Variants in ZDHHC7 observed in about 807,000 individuals in gnomAD.
ZDHHC7 encodes the protein zDHHC palmitoyltransferase 7.
A neutral mutation model predicts 34.1 loss-of-function variants in ZDHHC7; 12 were observed. The observed-to-expected ratio is 0.35, with a 90% CI of 0.23 to 0.57. The LOEUF is 0.57. Ranked by LOEUF, ZDHHC7 falls within the 20% of genes least tolerant of loss-of-function variation. The pLI, the probability that ZDHHC7 is intolerant of heterozygous loss-of-function variation, is 0.84. For missense variants in ZDHHC7, 388 were observed against 402.7 expected (o/e 0.96, Z 0.31); for synonymous variants, 185 against 155.4 (o/e 1.19, Z -1.42).
chr16:85,007,454 G>A (rs1396054255), intron 1 of ZDHHC7, among the ~76,000 whole-genome samples: 3 of 150,018 alleles, frequency 2.0e-5, no homozygotes, highest in Non-Finnish European at 4.4e-5. Flanking sequence ...GGAATGGAAT[G>A]GAACTCAGAA....
At chr16:85,027,599 T>TGGG in the ZDHHC7 span, among the ~76,000 whole-genome samples, 1 of 151,470 alleles carries the variant, frequency 6.6e-6, no homozygotes, top group African/African-American at 2.4e-5. Flanking sequence ...CCGAGAGCGC[T>TGGG]CCCACCGAGC....
At chr16:85,010,251 G>A (rs528417435) in intron 1 of ZDHHC7, among the ~76,000 whole-genome samples, 1 of 150,632 alleles carries the variant, frequency 6.6e-6, no homozygotes. Flanking sequence ...CCAACTCCTG[G>A]GCTCAAGTGA....
upstream of ZDHHC7, among the ~76,000 whole-genome samples, chr16:85,015,486 G>A (rs1355977874): frequency 6.6e-6 from 1 of 152,006 alleles, no homozygotes; most frequent in Admixed American, 6.6e-5. Flanking sequence ...ATAGAAAAGG[G>A]GATTCTCAAC....
At chr16:84,983,711 C>T (rs1597536685) in intron 3 of ZDHHC7, among the ~76,000 whole-genome samples, 2 of 152,200 alleles carry the variant, frequency 1.3e-5, no homozygotes. Context: ...ATAAGTAAAA[C>T]ATTTTACTGG....
At chr16:84,993,928 G>T (rs1049084340) in intron 2 of ZDHHC7, among the ~76,000 whole-genome samples, 1 of 152,174 alleles carries the variant, frequency 6.6e-6, no homozygotes, top group Admixed American at 6.5e-5. Context: ...AGCACTTTGC[G>T]AAGAGGTCTC....
chr16:85,022,239 A>G, the ZDHHC7 span, among the ~76,000 whole-genome samples: 2 of 145,474 alleles, frequency 1.4e-5, no homozygotes, highest in African/African-American at 2.5e-5. Context: ...TAGAAAACTC[A>G]GCCAGGCACA....
At chr16:84,981,010 C>T (rs1214059900) in intron 4 of ZDHHC7, among the ~76,000 whole-genome samples, 1 of 152,206 alleles carries the variant, frequency 6.6e-6, no homozygotes, top group Non-Finnish European at 1.5e-5. Context: ...GGCTTCCAGC[C>T]TATTCAAGCA....
At chr16:85,015,843 A>G (rs772100934), upstream of ZDHHC7, among the ~76,000 whole-genome samples, 4 of 152,132 alleles carry the variant, frequency 2.6e-5, no homozygotes, top group Non-Finnish European at 2.9e-5. Flanking sequence ...TCTCAAAAAA[A>G]AAAAAGAAAA....
At chr16:84,994,346 A>G (rs1380089198) in intron 2 of ZDHHC7, among the ~76,000 whole-genome samples, 2 of 152,232 alleles carry the variant, frequency 1.3e-5, no homozygotes, top group Admixed American at 6.5e-5. Context: ...GCCCAGGTAC[A>G]TCAAGGCCGT....
chr16:84,981,845 G>C (rs772091022), intron 4 of ZDHHC7, 25 bp downstream of exon 4: 3 of 1,613,310 alleles, frequency 1.9e-6, no homozygotes, highest in African/African-American at 1.3e-5. Context: ...GGATGCGCTC[G>C]GGTTTAATAC....
chr16:85,024,852 G>T, the ZDHHC7 span, among the ~76,000 whole-genome samples: 1 of 152,224 alleles, frequency 6.6e-6, no homozygotes, highest in Non-Finnish European at 1.5e-5. Context: ...ACACACAGGT[G>T]CATCAGTCCA....
At chr16:84,996,757 G>A (rs1002604154) in intron 1 of ZDHHC7, among the ~76,000 whole-genome samples, 16 of 152,136 alleles carry the variant, frequency 1.1e-4, no homozygotes, top group Admixed American at 7.9e-4. Context: ...GGCCAGGCGC[G>A]GTGGCTCACG....
the ZDHHC7 span, among the ~76,000 whole-genome samples, chr16:85,023,008 C>T: frequency 6.6e-6 from 1 of 152,118 alleles, no homozygotes; most frequent in Non-Finnish European, 1.5e-5. Context: ...GAGGAAGGGG[C>T]CACAAGCCAT....
At chr16:85,009,068 T>C (rs2072755516) in intron 1 of ZDHHC7, among the ~76,000 whole-genome samples, 1 of 151,338 alleles carries the variant, frequency 6.6e-6, no homozygotes. Context: ...AAAGTACTTC[T>C]AAAGTTAAAA....
At chr16:85,022,388 A>G in the ZDHHC7 span, among the ~76,000 whole-genome samples, 2 of 151,656 alleles carry the variant, frequency 1.3e-5, no homozygotes, top group African/African-American at 4.8e-5. Flanking sequence ...GCCAGGCATG[A>G]TGCACATGCG....
intron 1 of ZDHHC7, among the ~76,000 whole-genome samples, chr16:84,997,104 C>T (rs2072589244): frequency 6.6e-6 from 1 of 151,606 alleles, no homozygotes; most frequent in South Asian, 2.1e-4. Context: ...GTCCAGAACA[C>T]GCACAATGCA....
intron 2 of ZDHHC7, among the ~76,000 whole-genome samples, chr16:84,994,069 C>T (rs766118361): frequency 1.3e-5 from 2 of 152,210 alleles, no homozygotes; most frequent in Admixed American, 6.5e-5. Context: ...GCCCTGGGCA[C>T]GCTCACCAGC....
At chr16:84,976,976 A>G in intron 7 of ZDHHC7, 119 bp downstream of exon 7, 4 of 1,444,546 alleles carry the variant, frequency 2.8e-6, no homozygotes, top group Non-Finnish European at 1.9e-6. Context: ...GCAGCTCATC[A>G]AGACCGTCCC....
chr16:85,003,307 G>A (rs889994162), intron 1 of ZDHHC7, among the ~76,000 whole-genome samples: 11 of 152,278 alleles, frequency 7.2e-5, no homozygotes, highest in East Asian at 5.8e-4. Flanking sequence ...CCGTGCAAAC[G>A]GGGCCACATC....
Sources: allele counts gnomAD v4.1 joint callset (sites outside exome capture counted in the v4.1 genomes callset), GRCh38; gene constraint gnomAD v4.1.1; transcripts MANE v1.5; gene names NCBI Gene and HGNC (gene_info 2026-07-23, HGNC 2026-07-21).